The following ACTR3C variants were observed in gnomAD, a reference collection of about 807,000 sequenced individuals.
The protein encoded by ACTR3C is actin-related protein 3C.
In ACTR3C, 18 loss-of-function variants were observed where a neutral mutation model predicts 26.3. That is an observed-to-expected ratio of 0.68 (90% confidence interval 0.47 to 1.01). The LOEUF is 1.01. Among genes scored for constraint, ACTR3C ranks in the 50% least tolerant of loss-of-function variants. ACTR3C has a pLI of 0.00. For synonymous variants in ACTR3C, 55 were observed against 94.5 expected (o/e 0.58, Z 2.42); for missense variants, 184 against 250.7 (o/e 0.73, Z 1.80).
At chr7:150,066,392 T>C in the ACTR3C span, among the ~76,000 whole-genome samples, 1 of 152,184 alleles carries the variant, frequency 6.6e-6, no homozygotes, top group African/African-American at 2.4e-5. Context: ...TTCAAAGGAT[T>C]GGAACAACTG....
At chr7:149,896,197 CAA>C in the ACTR3C span, among the ~76,000 whole-genome samples, 1 of 152,250 alleles carries the variant, frequency 6.6e-6, no homozygotes, top group Non-Finnish European at 1.5e-5. Flanking sequence ...ACAAAACAAA[CAA>C]AGAAAAAACA....
the ACTR3C span, chr7:150,002,786 A>C: frequency 2.6e-5 from 4 of 152,260 alleles, no homozygotes; most frequent in Non-Finnish European, 5.9e-5. Flanking sequence ...TTTCAGACTT[A>C]GAAATTGCTG....
the ACTR3C span, among the ~76,000 whole-genome samples, chr7:149,937,657 C>G: frequency 6.6e-6 from 1 of 152,052 alleles, no homozygotes; most frequent in African/African-American, 2.4e-5. Flanking sequence ...GAAACAGGAA[C>G]CGAAGTACCT....
intron 6 of ACTR3C, among the ~76,000 whole-genome samples, chr7:150,260,991 T>C (rs1833594922): frequency 6.6e-6 from 1 of 152,072 alleles, no homozygotes; most frequent in Non-Finnish European, 1.5e-5. Context: ...GGCAATAAAT[T>C]ATATTGAAAC....
chr7:150,306,777 C>T (rs1256590578), intron 1 of ACTR3C, among the ~76,000 whole-genome samples: 2 of 152,216 alleles, frequency 1.3e-5, no homozygotes, highest in Admixed American at 6.5e-5. Context: ...ACTTCTTGTA[C>T]ATATGTGTGA....
At chr7:150,086,243 C>T in the ACTR3C span, among the ~76,000 whole-genome samples, 2 of 152,174 alleles carry the variant, frequency 1.3e-5, no homozygotes, top group Non-Finnish European at 2.9e-5. Flanking sequence ...CTCAGCCTCC[C>T]AAAGTGCTGG....
intron 2 of ACTR3C, 143 bp downstream of exon 2, chr7:150,295,109 T>C (rs1208862030): frequency 3.5e-5 from 35 of 1,011,432 alleles, no homozygotes; most frequent in African/African-American, 6.9e-5. Context: ...CCTATAGTCC[T>C]GAATGGCATG....
chr7:150,052,412 CAG>C, the ACTR3C span, among the ~76,000 whole-genome samples: 228 of 151,910 alleles, frequency 1.5e-3, no homozygotes, highest in African/African-American at 5.0e-3. Flanking sequence ...TTTTGAAAAA[CAG>C]AGTTAAAGTA....
chr7:150,204,687 AGAG>A, the ACTR3C span, among the ~76,000 whole-genome samples: 1 of 152,354 alleles, frequency 6.6e-6, no homozygotes, highest in African/African-American at 2.4e-5. Flanking sequence ...TGGTGAGTGC[AGAG>A]GAGGAGCAAG....
the ACTR3C span, among the ~76,000 whole-genome samples, chr7:149,945,789 C>T: frequency 7.2e-5 from 11 of 152,306 alleles, no homozygotes; most frequent in East Asian, 1.5e-3. Context: ...GGGAGGCCAT[C>T]GTCTGAGCTT....
At chr7:150,109,300 A>T in the ACTR3C span, among the ~76,000 whole-genome samples, 1 of 152,098 alleles carries the variant, frequency 6.6e-6, no homozygotes, top group Non-Finnish European at 1.5e-5. Flanking sequence ...TCTTCTATGG[A>T]TGTAAACTAA....
the ACTR3C span, among the ~76,000 whole-genome samples, chr7:149,997,848 A>T: frequency 1.3e-5 from 2 of 150,010 alleles, no homozygotes; most frequent in African/African-American, 4.9e-5. Context: ...TTCTGCCTGT[A>T]TGAGCAGATT....
the ACTR3C span, among the ~76,000 whole-genome samples, chr7:150,050,845 G>A: frequency 6.6e-6 from 1 of 151,404 alleles, no homozygotes; most frequent in African/African-American, 2.4e-5. Flanking sequence ...GGTGGCTCAC[G>A]CCTGTAATCC....
At chr7:150,050,643 T>C in the ACTR3C span, among the ~76,000 whole-genome samples, 1 of 152,040 alleles carries the variant, frequency 6.6e-6, no homozygotes, top group Non-Finnish European at 1.5e-5. Flanking sequence ...GTCTGAAAGA[T>C]GCAGGTGTGA....
chr7:150,199,781 A>C, the ACTR3C span, among the ~76,000 whole-genome samples: 1 of 143,112 alleles, frequency 7.0e-6, no homozygotes, highest in African/African-American at 2.5e-5. Context: ...AGATTGTGTG[A>C]GGTAACAGAT....
chr7:150,042,962 T>G, the ACTR3C span, among the ~76,000 whole-genome samples: 4 of 151,182 alleles, frequency 2.6e-5, 1 homozygote, highest in East Asian at 5.8e-4. Flanking sequence ...GGGATCCCCA[T>G]TTCAAAGTTT....
At chr7:149,970,417 G>A in the ACTR3C span, among the ~76,000 whole-genome samples, 2 of 151,914 alleles carry the variant, frequency 1.3e-5, no homozygotes, top group African/African-American at 4.8e-5. Context: ...CAGGCTCCTG[G>A]TCTCTCCTTG....
chr7:149,919,060 A>G, the ACTR3C span, among the ~76,000 whole-genome samples: 2 of 152,324 alleles, frequency 1.3e-5, no homozygotes, highest in African/African-American at 4.8e-5. Flanking sequence ...GTGTAAAGCA[A>G]AGGTTCTCTG....
chr7:150,075,789 G>T, the ACTR3C span, among the ~76,000 whole-genome samples: 1 of 152,150 alleles, frequency 6.6e-6, no homozygotes, highest in African/African-American at 2.4e-5. Flanking sequence ...GAAAGGTGAA[G>T]ACCTTGATTT....
Sources: allele counts gnomAD v4.1 joint callset (sites outside exome capture counted in the v4.1 genomes callset), GRCh38; gene constraint gnomAD v4.1.1; transcripts MANE v1.5; gene names NCBI Gene and HGNC (gene_info 2026-07-23, HGNC 2026-07-21).